The following ZDHHC7 variants were observed in gnomAD, a reference collection of about 807,000 sequenced individuals.
The protein encoded by ZDHHC7 is palmitoyltransferase ZDHHC7.
A neutral mutation model predicts 34.1 loss-of-function variants in ZDHHC7; 12 were observed. The observed-to-expected ratio is 0.35, with a 90% CI of 0.23 to 0.57. The LOEUF (loss-of-function observed/expected upper bound fraction) is 0.57. ZDHHC7 is among the 20% of genes least tolerant of loss of function. The pLI is 0.84. For synonymous variants in ZDHHC7, 185 were observed against 155.4 expected (o/e 1.19, Z -1.42); for missense variants, 388 against 402.7 (o/e 0.96, Z 0.31).
rs1048284509 is a variant in ZDHHC7 at position 84,975,068 on chromosome 16, G to A, written c.*1275C>T. The stretch of plus-strand genomic sequence containing the variant: ...GGCAAAAAATGTACAAACCAGGCAA[G>A]TTTAAGGCAAGGCCCCACGAGGGGA... On this transcript the variant is annotated 3_prime_UTR_variant, in exon 8 of 8. Coordinates refer to ENST00000313732, the MANE Select transcript of ZDHHC7 (RefSeq NM_017740.3). The A allele has an allele frequency of 6.6e-6, 1 of 152,658 alleles. No homozygotes were observed. The highest frequency in any genetic ancestry group is 1.5e-5 in the Non-Finnish European group (1 of 68,054). The allele number at this position is 152,658 out of a possible 1,614,324, so 9.5% of individuals were successfully genotyped here. A position where few individuals can be genotyped will look rare whatever the true frequency, so the allele number is the denominator to read the frequency against.
intron 1 of ZDHHC7, chr16:85,005,089 T>G (rs1033097149): frequency 6.6e-6 from 1 of 152,186 alleles, no homozygotes; most frequent in Non-Finnish European, 1.5e-5. Context: ...GAGCAGCTAT[T>G]TTTAAAAATC....
chr16:85,021,782 G>A, the ZDHHC7 span, among the ~76,000 whole-genome samples: 7 of 151,446 alleles, frequency 4.6e-5, 1 homozygote, highest in East Asian at 1.4e-3. Context: ...ATAAGGAGAG[G>A]AGAGAGAGAA....
At chr16:85,024,945 T>C in the ZDHHC7 span, among the ~76,000 whole-genome samples, 1 of 152,046 alleles carries the variant, frequency 6.6e-6, no homozygotes, top group African/African-American at 2.4e-5. Context: ...GCTGAGACAA[T>C]ATAAGCCTAG....
rs1053415221 is a variant in ZDHHC7 at position 84,979,414 on chromosome 16, A to T, written c.441-129T>A. 12 of 1,303,448 alleles carry T rather than the reference A, an allele frequency of 9.2e-6. No individual in the cohort carries two copies. In the African/African-American group the frequency reaches 1.4e-4, roughly 15 times the overall value. The allele number at this position is 1,303,448 out of a possible 1,614,324, so 80.7% of individuals were successfully genotyped here. On this transcript the variant is annotated intron_variant, in intron 4 of 7. Coordinates refer to ENST00000313732, the MANE Select transcript of ZDHHC7 (RefSeq NM_017740.3). ...AATACAACATGTCAAAAAATATCATACATTCTCACTATATTCCTTTAAGGT... is the reference window on the plus strand; with the variant it reads ...AATACAACATGTCAAAAAATATCATTCATTCTCACTATATTCCTTTAAGGT...
In ZDHHC7 at chr16:84,975,090, G is replaced by C. The variant is rs1001765438; in HGVS notation, c.*1253C>G. 1 of 152,650 alleles carries C rather than the reference G, an allele frequency of 6.6e-6. No individual in the cohort carries two copies. Among genetic ancestry groups the C allele is most frequent in the Non-Finnish European group, 1.5e-5 (1 of 68,040 alleles). 9.5% of individuals were successfully genotyped at this position (152,650 alleles called of 1,614,324 possible). On this transcript the variant is annotated 3_prime_UTR_variant, in exon 8 of 8. Coordinates refer to ENST00000313732, the MANE Select transcript of ZDHHC7 (RefSeq NM_017740.3). ...CAAGTTTAAGGCAAGGCCCCACGAG[G>C]GGAGCTGTTGGCTTTCTGGCATAAT...
intron 1 of ZDHHC7, among the ~76,000 whole-genome samples, chr16:84,997,267 CTTTTT>C (rs34612029): frequency 1.8e-5 from 2 of 111,310 alleles, no homozygotes; most frequent in African/African-American, 3.9e-5. Flanking sequence ...CTAAATTTTC[CTTTTT>C]TTTTTTTTTT....
Position 84,996,642 on chromosome 16 carries a change from T to A in ZDHHC7, c.-103-635A>T, listed in dbSNP as rs150707785. On this transcript the variant is annotated intron_variant, in intron 1 of 7. Transcript: ENST00000313732. Reference sequence around the variant, plus strand: ...GGGAAAACCCAACAAGAAGGTCAGATTCACTGTCAGACCTCCCTAAGTCAG... The same window carrying A: ...GGGAAAACCCAACAAGAAGGTCAGAATCACTGTCAGACCTCCCTAAGTCAG... Among the ~76,000 whole-genome samples the A allele has an allele frequency of 2.7e-4, 41 of 152,168 alleles. No individual in the cohort carries two copies. In the East Asian group the frequency reaches 6.2e-3, roughly 23 times the overall value.
In ZDHHC7 at chr16:84,990,808, T is replaced by C. The variant is rs746544165; in HGVS notation, c.-17-173A>G. 6.0e-4 allele frequency among the ~76,000 whole-genome samples: 92 copies of C among 152,208 alleles called. 1 individual carries two copies. The highest frequency in any genetic ancestry group is 3.4e-4 in the African/African-American group (14 of 41,446). On this transcript the variant is annotated intron_variant, in intron 2 of 7. Coordinates refer to ENST00000313732, the MANE Select transcript of ZDHHC7 (RefSeq NM_017740.3). ...CTGAATTTTTAAATCTCTGACTTGATTGATTGCTTTACTACAACACAGTAA... is the reference window on the plus strand; with the variant it reads ...CTGAATTTTTAAATCTCTGACTTGACTGATTGCTTTACTACAACACAGTAA...
chr16:84,980,746 G>A (rs571297133), intron 4 of ZDHHC7, among the ~76,000 whole-genome samples: 1 of 152,246 alleles, frequency 6.6e-6, no homozygotes, highest in East Asian at 1.9e-4. Flanking sequence ...TATTCTATCT[G>A]CAGAGTTGTG....
chr16:85,016,973 C>A, the ZDHHC7 span, among the ~76,000 whole-genome samples: 5 of 150,326 alleles, frequency 3.3e-5, no homozygotes, highest in African/African-American at 1.2e-4. Flanking sequence ...GGAGTTTTCA[C>A]CCTTATTGCC....
At chr16:85,024,501 G>A in the ZDHHC7 span, among the ~76,000 whole-genome samples, 1 of 152,218 alleles carries the variant, frequency 6.6e-6, no homozygotes, top group Non-Finnish European at 1.5e-5. Context: ...AAAGTGCTGG[G>A]ATTAAAGGCG....
intron 2 of ZDHHC7, among the ~76,000 whole-genome samples, chr16:84,993,174 AAC>A (rs2072532334): frequency 2.6e-5 from 4 of 151,638 alleles, no homozygotes; most frequent in Admixed American, 2.6e-4. Context: ...AATAAAAATT[AAC>A]CAGGCATGGT....
At chr16:84,993,451 G>C (rs2072536147) in intron 2 of ZDHHC7, among the ~76,000 whole-genome samples, 1 of 151,940 alleles carries the variant, frequency 6.6e-6, no homozygotes, top group Non-Finnish European at 1.5e-5. Context: ...GCGCAACATG[G>C]GAAGACCCAA....
At chr16:84,991,977 AC>A (rs2072515509) in intron 2 of ZDHHC7, among the ~76,000 whole-genome samples, 1 of 151,934 alleles carries the variant, frequency 6.6e-6, no homozygotes, top group Non-Finnish European at 1.5e-5. Flanking sequence ...GGAGTTTGAG[AC>A]CAGCCTGGTC....
chr16:84,988,713 A>G, intron 3 of ZDHHC7: 1 of 1,504,094 alleles, frequency 6.6e-7, no homozygotes, highest in Non-Finnish European at 9.0e-7. Context: ...CAAACTGCTG[A>G]GGACTCCCAG....
At chr16:84,977,785 A>G in intron 6 of ZDHHC7, 139 bp downstream of exon 6, 1 of 715,228 alleles carries the variant, frequency 1.4e-6, no homozygotes, top group Non-Finnish European at 2.4e-6. Flanking sequence ...AACTTAACTA[A>G]ATTCTTTAAA....
rs71151260 is a variant in ZDHHC7 at position 84,998,749 on chromosome 16, CTTT to C, written c.-103-2745_-103-2743del. ...CTCCAGCTCTCAATCCCTTCTGAAC[CTTT>C]TTTTTTTTTTTTTTTTTTTGAGATG... is the stretch of plus-strand genomic sequence containing the variant. On this transcript the variant is annotated intron_variant, in intron 1 of 7. Coordinates refer to ENST00000313732, the MANE Select transcript of ZDHHC7 (RefSeq NM_017740.3). Among the ~76,000 whole-genome samples, 546 of 112,514 alleles carry C rather than the reference CTTT, an allele frequency of 4.9e-3. 2 individuals are homozygous for C. Among genetic ancestry groups the C allele is most frequent in the African/African-American group, 0.018 (488 of 26,972 alleles). 73.8% of individuals were successfully genotyped at this position (112,514 alleles called of 152,430 possible). A position where few individuals can be genotyped will look rare whatever the true frequency, so the allele number is the denominator to read the frequency against.
In ZDHHC7 at chr16:84,990,611, G is replaced by A. The variant is rs778969415; in HGVS notation, c.8C>T (p.Pro3Leu). The A allele has an allele frequency of 2.5e-6, 4 of 1,613,056 alleles. No individual in the cohort carries two copies. Among genetic ancestry groups the A allele is most frequent in the East Asian group, 2.2e-5 (1 of 44,884 alleles). MQ[P>L]SGHRLRDVEH... ...GACGTCCCGGAGCCTGTGTCCTGATGGCTGCATGATTTCCCTGACGCACCC... is the reference window on the plus strand; with the variant it reads ...GACGTCCCGGAGCCTGTGTCCTGATAGCTGCATGATTTCCCTGACGCACCC... The change falls in exon 3 of 8, where the codon CCA becomes CTA. Residue 3 changes from proline (P) to leucine (L), a missense_variant. Physicochemically the swap from Pro to Leu is moderately conservative, Grantham distance 98. Coordinates refer to ENST00000313732, the MANE Select transcript of ZDHHC7 (RefSeq NM_017740.3).
chr16:84,980,674 T>C (rs75669127), intron 4 of ZDHHC7, among the ~76,000 whole-genome samples: 2,561 of 151,968 alleles, frequency 0.017, 78 homozygotes, highest in African/African-American at 0.058. Context: ...CATCCCCCCA[T>C]CCCCAAAAAA....
Sources: gnomAD v4.1 joint callset for allele counts (sites outside exome capture counted in the v4.1 genomes callset) on GRCh38, gnomAD v4.1.1 for gene constraint, MANE v1.5 for transcripts, NCBI Gene and HGNC (gene_info 2026-07-23, HGNC 2026-07-21) for gene names.